The following AXIN1 variants were observed in gnomAD, a reference collection of about 807,000 sequenced individuals.
AXIN1 encodes the protein axin 1.
A neutral mutation model predicts 76.4 loss-of-function variants in AXIN1; 30 were observed. That is an observed-to-expected ratio of 0.39 (90% CI 0.29 to 0.53). AXIN1 has a LOEUF of 0.53. Among genes scored for constraint, AXIN1 ranks in the 20% least tolerant of loss-of-function variants. The probability of loss-of-function intolerance (pLI) is 0.66; values close to 1 mark genes in which losing one functional copy is unlikely to be tolerated. For missense variants in AXIN1, 1,140 were observed against 1,198.8 expected (o/e 0.95, Z 0.72); for synonymous variants, 545 against 501.4 (o/e 1.09, Z -1.16).
intron 2 of AXIN1, among the ~76,000 whole-genome samples, chr16:341,132 A>G (rs1421556106): frequency 6.6e-6 from 1 of 152,250 alleles, no homozygotes; most frequent in Non-Finnish European, 1.5e-5. Flanking sequence ...GCTCGCTCTC[A>G]GCGCCTCCTC....
At position 298,184 on chromosome 16, in the gene AXIN1, G is replaced by T. The variant is rs2141515706; in HGVS notation, c.1322C>A (p.Ala441Asp). 3.9e-6 allele frequency: 6 copies of T among 1,542,090 alleles called. No individual in the cohort carries two copies. The highest frequency in any genetic ancestry group is 4.4e-6 in the Non-Finnish European group (5 of 1,147,340). ...GGGCGGGAAGTGGTGCCAAGCGGGG[G>T]CGGGAGGCAGCTTGTGACACGGCCC... ...PPGPCHKLPPAPAWHHFPPRC... is the reference protein window; with the variant it reads ...PPGPCHKLPPDPAWHHFPPRC... The change falls in exon 6 of 11, where the codon GCC becomes GAC. Residue 441 changes from alanine (A) to aspartate (D), a missense_variant. Around this residue, in one of 3 missense-constraint regions of AXIN1, gnomAD observed 708 missense variants for 776.9 expected, o/e 0.91. Transcript: ENST00000262320.
At chr16:349,107 A>C (rs2054092099) in intron 1 of AXIN1, among the ~76,000 whole-genome samples, 1 of 147,902 alleles carries the variant, frequency 6.8e-6, no homozygotes, top group Non-Finnish European at 1.5e-5. Context: ...GTCTCAAAAA[A>C]ATAAAATAAA....
At chr16:306,578 C>T (rs1567274089) in intron 4 of AXIN1, among the ~76,000 whole-genome samples, 1 of 152,174 alleles carries the variant, frequency 6.6e-6, no homozygotes, top group East Asian at 1.9e-4. Flanking sequence ...GCATCTAAAC[C>T]TGAGAAGGAT....
intron 3 of AXIN1, among the ~76,000 whole-genome samples, chr16:312,056 G>C (rs891873342): frequency 6.6e-6 from 1 of 152,162 alleles, no homozygotes; most frequent in African/African-American, 2.4e-5. Context: ...CTTGCCTCGG[G>C]GTTTGTTGAA....
chr16:314,400 G>C (rs1401735086), intron 3 of AXIN1, 143 bp downstream of exon 3: 2 of 1,297,194 alleles, frequency 1.5e-6, no homozygotes, highest in Non-Finnish European at 2.2e-6. Context: ...CTGCAGCAGG[G>C]TGGGACTTAC....
At chr16:312,542 G>A (rs929999960) in intron 3 of AXIN1, among the ~76,000 whole-genome samples, 3 of 152,216 alleles carry the variant, frequency 2.0e-5, no homozygotes, top group African/African-American at 7.2e-5. Flanking sequence ...CAGGCGCTCC[G>A]TGGGCTGCAC....
intron 2 of AXIN1, among the ~76,000 whole-genome samples, chr16:339,729 A>G (rs2053878537): frequency 6.6e-6 from 1 of 151,880 alleles, no homozygotes; most frequent in Non-Finnish European, 1.5e-5. Context: ...GGAAGCAAAT[A>G]CCCCAAAGGA....
At chr16:318,462 C>T (rs1274674263) in intron 2 of AXIN1, among the ~76,000 whole-genome samples, 1 of 152,108 alleles carries the variant, frequency 6.6e-6, no homozygotes, top group East Asian at 1.9e-4. Flanking sequence ...AGACAACTGC[C>T]CTGGCTCTCA....
At chr16:300,009 G>C (rs2052828575) in intron 5 of AXIN1, among the ~76,000 whole-genome samples, 1 of 151,398 alleles carries the variant, frequency 6.6e-6, no homozygotes, top group East Asian at 1.9e-4. Flanking sequence ...TGTGTCCCAG[G>C]CTGTAGTGCA....
In AXIN1 at chr16:320,936, C is replaced by T. The variant is rs564373006; in HGVS notation, c.879-6253G>A. ...TGTATTTTTAGTAGAGACAAGGTTT[C>T]GCCGTGTTGGTCAGGCTGGTCTCGA... On this transcript the variant is annotated intron_variant, in intron 2 of 10. Coordinates refer to ENST00000262320, the MANE Select transcript of AXIN1 (RefSeq NM_003502.4). 4.3e-3 allele frequency among the ~76,000 whole-genome samples: 657 copies of T among 151,958 alleles called. 2 individuals carry two copies. The highest frequency in any genetic ancestry group is 4.8e-3 in the Non-Finnish European group (326 of 67,970).
At chr16:306,116 T>C (rs1223597507) in intron 4 of AXIN1, among the ~76,000 whole-genome samples, 1 of 152,092 alleles carries the variant, frequency 6.6e-6, no homozygotes, top group South Asian at 2.1e-4. Flanking sequence ...GGCAGGCACA[T>C]GCGTACACAC....
intron 4 of AXIN1, among the ~76,000 whole-genome samples, chr16:308,404 CAG>C (rs918480472): frequency 2.0e-5 from 3 of 152,226 alleles, no homozygotes; most frequent in African/African-American, 4.8e-5. Context: ...CCCCCTCATC[CAG>C]AGTCTGTGGC....
chr16:326,460 G>A (rs191336602), intron 2 of AXIN1, among the ~76,000 whole-genome samples: 1 of 149,256 alleles, frequency 6.7e-6, no homozygotes, highest in African/African-American at 2.5e-5. Context: ...TAAAAAATGT[G>A]ATTGAGAGCC....
chr16:299,358 G>A (rs1297154741), intron 5 of AXIN1, among the ~76,000 whole-genome samples: 1 of 152,168 alleles, frequency 6.6e-6, no homozygotes, highest in African/African-American at 2.4e-5. Context: ...ATCTATGTAT[G>A]TATTTATTTA....
chr16:326,394 T>TACAC (rs1555483830), intron 2 of AXIN1, among the ~76,000 whole-genome samples: 2 of 119,674 alleles, frequency 1.7e-5, no homozygotes, highest in African/African-American at 7.0e-5. Context: ...TATATATATA[T>TACAC]ACACACCTAT....
At chr16:288,919 G>C (rs1393053281) in intron 10 of AXIN1, among the ~76,000 whole-genome samples, 2 of 152,228 alleles carry the variant, frequency 1.3e-5, no homozygotes, top group African/African-American at 4.8e-5. Context: ...TCTGGCCTCT[G>C]TTTTCCCACC....
intron 2 of AXIN1, among the ~76,000 whole-genome samples, chr16:315,331 A>G (rs1315031257): frequency 6.6e-6 from 1 of 152,232 alleles, no homozygotes; most frequent in Non-Finnish European, 1.5e-5. Flanking sequence ...TTGTCATTTA[A>G]ACTTCTTCCT....
intron 2 of AXIN1, among the ~76,000 whole-genome samples, chr16:325,309 CT>C (rs1490519301): frequency 1.5e-5 from 1 of 67,574 alleles, no homozygotes; most frequent in Non-Finnish European, 2.8e-5. Context: ...GTGCCCCCCG[CT>C]GCTCCGGCGC....
At chr16:337,477 G>A (rs1179508789) in intron 2 of AXIN1, among the ~76,000 whole-genome samples, 1 of 131,876 alleles carries the variant, frequency 7.6e-6, no homozygotes, top group African/African-American at 3.0e-5. Context: ...AGCTAGTAAA[G>A]ATCCAGAGTG....
Sources: gnomAD v4.1 joint callset for allele counts (sites outside exome capture counted in the v4.1 genomes callset) on GRCh38, gnomAD v4.1.1 for gene constraint, gnomAD v4.1.1 regional missense constraint, MANE v1.5 for transcripts, NCBI Gene and HGNC (gene_info 2026-07-23, HGNC 2026-07-21) for gene names.